PLSCR2: variants seen among roughly 807,000 people sequenced by gnomAD.
PLSCR2 encodes the protein PL scramblase 2.
PLSCR2 carries 18 observed loss-of-function variants against 25.3 expected under a neutral mutation model. That is an observed-to-expected ratio of 0.71 (90% CI 0.49 to 1.06). PLSCR2 has a LOEUF of 1.06. Among genes scored for constraint, PLSCR2 ranks in the 50% least tolerant of loss-of-function variants. The pLI is 0.00. For synonymous variants in PLSCR2, 88 were observed against 87.3 expected (o/e 1.01, Z -0.04); for missense variants, 243 against 269.5 (o/e 0.90, Z 0.69).
chr3:146,459,411 C>G (rs2041421526), intron 2 of PLSCR2, among the ~76,000 whole-genome samples: 1 of 152,050 alleles, frequency 6.6e-6, no homozygotes, highest in Admixed American at 6.6e-5. Context: ...CAGTGTACCC[C>G]CAGTTCATTA....
intron 1 of PLSCR2, among the ~76,000 whole-genome samples, chr3:146,465,585 A>G (rs1277622656): frequency 6.6e-6 from 1 of 151,952 alleles, no homozygotes; most frequent in African/African-American, 2.4e-5. Flanking sequence ...AAAAAAAAAA[A>G]AAATCACAAT....
At chr3:146,412,079 G>A (rs952032813) in intron 2 of PLSCR2, among the ~76,000 whole-genome samples, 3 of 151,998 alleles carry the variant, frequency 2.0e-5, no homozygotes, top group Admixed American at 1.3e-4. Flanking sequence ...AGTTAATTCA[G>A]GTGGAAACAA....
chr3:146,391,897 A>C (rs1221068502), intron 3 of PLSCR2, among the ~76,000 whole-genome samples: 1 of 152,148 alleles, frequency 6.6e-6, no homozygotes, highest in African/African-American at 2.4e-5. Flanking sequence ...GAAGGAAAAA[A>C]TTTATATTTT....
intron 2 of PLSCR2, among the ~76,000 whole-genome samples, chr3:146,404,175 GC>G (rs753867308): frequency 1.3e-5 from 2 of 152,146 alleles, no homozygotes; most frequent in Non-Finnish European, 2.9e-5. Flanking sequence ...GCTCACCATT[GC>G]TCCATCTGTA....
chr3:146,423,745 C>T (rs576173054), intron 2 of PLSCR2, among the ~76,000 whole-genome samples: 2 of 152,084 alleles, frequency 1.3e-5, no homozygotes, highest in East Asian at 3.9e-4. Flanking sequence ...GAATTGAAGT[C>T]AGAGAATGGA....
At chr3:146,453,706 T>C (rs181909793) in intron 5 of PLSCR2, among the ~76,000 whole-genome samples, 22 of 152,272 alleles carry the variant, frequency 1.4e-4, no homozygotes, top group Middle Eastern at 6.8e-3. Flanking sequence ...AAAGTTTTCT[T>C]TATAATGGAT....
intron 3 of PLSCR2, among the ~76,000 whole-genome samples, chr3:146,392,832 T>C (rs1286023848): frequency 7.0e-6 from 1 of 142,528 alleles, no homozygotes; most frequent in East Asian, 2.1e-4. Flanking sequence ...TCCTTCATTA[T>C]GCTTCCTTGG....
At chr3:146,480,065 T>A (rs938199737) in intron 1 of PLSCR2, among the ~76,000 whole-genome samples, 8 of 152,190 alleles carry the variant, frequency 5.3e-5, no homozygotes, top group Non-Finnish European at 1.0e-4. Flanking sequence ...TGTACCAGAA[T>A]TTCTGGGACA....
intron 2 of PLSCR2, among the ~76,000 whole-genome samples, chr3:146,424,555 A>C (rs2039271387): frequency 6.6e-6 from 1 of 152,112 alleles, no homozygotes; most frequent in South Asian, 2.1e-4. Context: ...ATAAAATCCT[A>C]ATATAAATCT....
intron 3 of PLSCR2, among the ~76,000 whole-genome samples, chr3:146,455,783 T>C (rs147528496): frequency 2.6e-5 from 4 of 152,264 alleles, no homozygotes; most frequent in African/African-American, 9.6e-5. Context: ...TGGTGCTAGG[T>C]GTATGGATAA....
intron 2 of PLSCR2, chr3:146,398,912 G>C (rs2038368416): frequency 6.6e-6 from 1 of 152,172 alleles, no homozygotes; most frequent in South Asian, 2.1e-4. Flanking sequence ...CCTCTTAAAT[G>C]AGCTTTTTGT....
At chr3:146,458,387 A>T (rs1295409039) in intron 3 of PLSCR2, 24 bp downstream of exon 3, 1 of 1,487,246 alleles carries the variant, frequency 6.7e-7, no homozygotes, top group East Asian at 2.4e-5. Flanking sequence ...TTTTAGAACT[A>T]TGAGCAATAC....
rs962856258 is a variant in PLSCR2, at chr3:146,483,302, G to T, written c.-293+12593C>A. On this transcript the variant is annotated intron_variant, in intron 1 of 8. Transcript: ENST00000336685. ...GAACGGGGGGTGGGGGGCTGGGGGA[G>T]GGATAGCATTAGGAGAAATACCAAA... is the stretch of plus-strand genomic sequence containing the variant. 2.9e-4 allele frequency among the ~76,000 whole-genome samples: 43 copies of T among 146,302 alleles called. 1 individual carries two copies. The highest frequency in any genetic ancestry group is 6.1e-4 in the Non-Finnish European group (41 of 66,862).
intron 6 of PLSCR2, among the ~76,000 whole-genome samples, chr3:146,442,142 T>C (rs2040279515): frequency 6.6e-6 from 1 of 152,088 alleles, no homozygotes; most frequent in South Asian, 2.1e-4. Flanking sequence ...TGTTTTGCAG[T>C]CCTTCTCTAG....
downstream of PLSCR2, among the ~76,000 whole-genome samples, chr3:146,432,907 T>C (rs1029753880): frequency 6.6e-6 from 1 of 152,206 alleles, no homozygotes; most frequent in Admixed American, 6.6e-5. Flanking sequence ...TTAAAGACTA[T>C]AGTATGTCTT....
intron 5 of PLSCR2, among the ~76,000 whole-genome samples, chr3:146,451,316 T>C (rs996229785): frequency 2.6e-5 from 4 of 152,120 alleles, no homozygotes; most frequent in East Asian, 3.9e-4. Context: ...GGTTTCACCA[T>C]GTTGGCCAGG....
At chr3:146,438,049 A>G (rs982636452), downstream of PLSCR2, among the ~76,000 whole-genome samples, 63 of 152,318 alleles carry the variant, frequency 4.1e-4, no homozygotes, top group Non-Finnish European at 7.3e-4. Context: ...GTCATTCAGG[A>G]GCAGGTTGTC....
At chr3:146,437,505 G>A (rs1469055127), downstream of PLSCR2, among the ~76,000 whole-genome samples, 3 of 152,156 alleles carry the variant, frequency 2.0e-5, no homozygotes, top group African/African-American at 7.2e-5. Context: ...TCTTAGGAGG[G>A]TGTATGTGTC....
At chr3:146,459,820 T>C (rs763749071) in intron 2 of PLSCR2, 28 bp downstream of exon 2, 23 of 1,468,610 alleles carry the variant, frequency 1.6e-5, no homozygotes, top group East Asian at 1.4e-4. Context: ...TTTTTTTTTT[T>C]CTGAGTATTT....
Sources: allele counts gnomAD v4.1 joint callset (sites outside exome capture counted in the v4.1 genomes callset), GRCh38; gene constraint gnomAD v4.1.1; transcripts MANE v1.5; gene names NCBI Gene and HGNC (gene_info 2026-07-23, HGNC 2026-07-21).